Variants in CRY1 observed in about 807,000 individuals in gnomAD.
CRY1 encodes the protein cryptochrome-1.
CRY1 carries 45 observed loss-of-function variants against 76.0 expected under a neutral mutation model. The ratio of observed to expected loss-of-function variants is 0.59; its 90% confidence interval spans 0.47 to 0.76. The LOEUF is 0.76. Among genes scored for constraint, CRY1 ranks in the 30% least tolerant of loss-of-function variants. CRY1 has a pLI of 0.00. For missense variants in CRY1, 587 were observed against 716.4 expected, an observed-to-expected ratio of 0.82 and a Z score of 2.06; for synonymous variants, 248 against 244.0, an observed-to-expected ratio of 1.02 and a Z score of -0.15.
intron 12 of CRY1, 28 bp downstream of exon 12, chr12:106,992,759 G>A: frequency 6.4e-7 from 1 of 1,553,998 alleles, no homozygotes. Context: ...CTCTTCTAAA[G>A]CAAGAAATAC....
At chr12:107,075,500 G>A (rs933501730) in intron 1 of CRY1, among the ~76,000 whole-genome samples, 2 of 152,074 alleles carry the variant, frequency 1.3e-5, no homozygotes, top group African/African-American at 4.8e-5. Context: ...TGGTCTTGAA[G>A]GTTTTAATCA....
chr12:107,077,061 C>A (rs1368357727), intron 1 of CRY1, among the ~76,000 whole-genome samples: 1 of 152,056 alleles, frequency 6.6e-6, no homozygotes, highest in African/African-American at 2.4e-5. Flanking sequence ...TCAGGTATTT[C>A]CTTATAGCAA....
intron 1 of CRY1, among the ~76,000 whole-genome samples, chr12:107,031,458 C>A (rs1279678500): frequency 1.3e-5 from 2 of 150,178 alleles, no homozygotes; most frequent in African/African-American, 2.5e-5. Flanking sequence ...AGAAACTTAT[C>A]TGTCTCTAGC....
chr12:107,092,813 T>G lies in CRY1; in HGVS notation c.149A>C (p.Asn50Thr). 6.2e-7 allele frequency: 1 copy of G among 1,611,694 alleles called. No homozygotes were observed. Among genetic ancestry groups the G allele is most frequent in the Non-Finnish European group, 8.5e-7 (1 of 1,179,844 alleles). The part of the protein sequence containing the change: ...WFAGSSNVGI[N>T]RWRFLLQCLE... The stretch of plus-strand genomic sequence containing the variant: ...CGGGCTTGTGACTCACCGCCACCTG[T>G]TGATGCCCACATTGGAGGAGCCGGC... Residue 50 changes from asparagine to threonine, a missense_variant, in exon 1 of 13, where the codon AAC becomes ACC. Asn to Thr is a moderately conservative substitution (Grantham distance 65). Coordinates refer to ENST00000008527, the MANE Select transcript of CRY1 (RefSeq NM_004075.5).
chr12:107,045,547 T>C (rs1179218649), intron 1 of CRY1, among the ~76,000 whole-genome samples: 1 of 152,236 alleles, frequency 6.6e-6, no homozygotes, highest in Non-Finnish European at 1.5e-5. Flanking sequence ...GCTTTTGGTA[T>C]TTTATACATG....
In CRY1 at chr12:107,006,638, C is replaced by CGTTTTTTT. The variant is rs71076707; in HGVS notation, c.268-1391_268-1390insAAAAAAAC. Among the ~76,000 whole-genome samples the CGTTTTTTT allele has an allele frequency of 7.3e-5, 10 of 137,108 alleles. 1 individual carries two copies. The highest frequency in any genetic ancestry group is 7.6e-5 in the Admixed American group (1 of 13,152). 89.9% of individuals were successfully genotyped at this position (137,108 alleles called of 152,430 possible). ...CTTGCCAATAATATGTATTAGTAATCTTTTTTTTTTTTTTTTTTAGATGAC... is the reference window on the plus strand; with the variant it reads ...CTTGCCAATAATATGTATTAGTAATCGTTTTTTTTTTTTTTTTTTTTTTTTTAGATGAC... On this transcript the variant is annotated intron_variant, in intron 2 of 12. Transcript: ENST00000008527.
intron 10 of CRY1, among the ~76,000 whole-genome samples, chr12:106,994,540 G>A (rs1436866711): frequency 6.6e-6 from 1 of 152,074 alleles, no homozygotes; most frequent in Non-Finnish European, 1.5e-5. Flanking sequence ...TACAAACTAT[G>A]TTACAGGCAA....
At chr12:107,092,708 C>G (rs1421049436) in intron 1 of CRY1, 96 bp downstream of exon 1, 2 of 1,530,952 alleles carry the variant, frequency 1.3e-6, no homozygotes, top group Admixed American at 1.9e-5. Context: ...AAGACAGTCC[C>G]ACGTCTAAAT....
intron 8 of CRY1, 94 bp from the exon 9 acceptor site, chr12:106,997,784 T>C: frequency 6.5e-7 from 1 of 1,535,874 alleles, no homozygotes; most frequent in South Asian, 1.2e-5. Context: ...CAAGACCATT[T>C]AAATGATCTG....
intron 1 of CRY1, among the ~76,000 whole-genome samples, chr12:107,065,294 G>GA (rs1304594944): frequency 1.3e-5 from 2 of 150,418 alleles, no homozygotes; most frequent in African/African-American, 2.4e-5. Flanking sequence ...GACTCTGTCT[G>GA]AAAAAAAAGG....
At chr12:107,066,296 T>A (rs1593534902) in intron 1 of CRY1, among the ~76,000 whole-genome samples, 1 of 152,172 alleles carries the variant, frequency 6.6e-6, no homozygotes, top group South Asian at 2.1e-4. Context: ...TATATTCAAG[T>A]AAATTTACTT....
rs1365145762 is a variant in CRY1 at position 107,022,122 on chromosome 12, G to A, written c.229C>T (p.Arg77Cys). Residue 77 changes from arginine to cysteine, a missense_variant, in exon 2 of 13, where the codon CGT becomes TGT. Transcript: ENST00000008527. ...RKLNSRLFVI[R>C]GQPADVFPRL... ...GGAAACACATCTGCTGGTTGTCCAC[G>A]AATCACAAACAGACGGGAGTTTAAT... 7 of 1,604,462 alleles carry A rather than the reference G, an allele frequency of 4.4e-6. No homozygotes were observed. The highest frequency in any genetic ancestry group is 1.7e-4 in the Middle Eastern group (1 of 6,048).
chr12:106,999,301 T>C (rs1402402155), intron 7 of CRY1, among the ~76,000 whole-genome samples: 1 of 152,178 alleles, frequency 6.6e-6, no homozygotes, highest in Non-Finnish European at 1.5e-5. Flanking sequence ...TTTACAGTTC[T>C]CTTAGTGGCT....
At chr12:106,999,895 A>AT (rs34460737) in intron 6 of CRY1, 33 bp from the exon 7 acceptor site, 88 of 1,587,740 alleles carry the variant, frequency 5.5e-5, no homozygotes, top group African/African-American at 5.1e-4. Flanking sequence ...TATTATCAGA[A>AT]TTTTTTTTTA....
intron 2 of CRY1, among the ~76,000 whole-genome samples, chr12:107,014,071 C>T (rs1163618518): frequency 6.6e-6 from 1 of 152,184 alleles, no homozygotes; most frequent in Non-Finnish European, 1.5e-5. Context: ...CAAAAGCTCC[C>T]TCCACCAAGC....
chr12:106,995,198 C>G (rs1445341775), intron 10 of CRY1, among the ~76,000 whole-genome samples: 1 of 152,156 alleles, frequency 6.6e-6, no homozygotes. Context: ...CTACCTCCTC[C>G]CCAGGTTACT....
chr12:107,030,373 GTC>G (rs1952661900), intron 1 of CRY1, among the ~76,000 whole-genome samples: 2 of 152,144 alleles, frequency 1.3e-5, no homozygotes, highest in African/African-American at 2.4e-5. Context: ...TAATCTGGAT[GTC>G]TCTGACTCCA....
chr12:107,051,911 A>G (rs1952926510), intron 1 of CRY1, among the ~76,000 whole-genome samples: 1 of 150,934 alleles, frequency 6.6e-6, no homozygotes, highest in Non-Finnish European at 1.5e-5. Context: ...GGAGACTTAT[A>G]TAAAATTAAA....
intron 7 of CRY1, among the ~76,000 whole-genome samples, chr12:106,999,043 C>CAAAAAA (rs778236677): frequency 1.9e-5 from 1 of 52,678 alleles, no homozygotes; most frequent in Non-Finnish European, 4.3e-5. Context: ...GACTCCGTCT[C>CAAAAAA]AAAAAAAAAA....
Sources: gnomAD v4.1 joint callset for allele counts (sites outside exome capture counted in the v4.1 genomes callset) on GRCh38, gnomAD v4.1.1 for gene constraint, MANE v1.5 for transcripts, NCBI Gene and HGNC (gene_info 2026-07-23, HGNC 2026-07-21) for gene names.